Variants in L3MBTL4 observed in about 807,000 individuals in gnomAD.
L3MBTL4 encodes lethal(3)malignant brain tumor-like protein 4.
Under a neutral mutation model 84.5 loss-of-function variants are expected in L3MBTL4, and 70 were observed. The ratio of observed to expected loss-of-function variants is 0.83; its 90% confidence interval spans 0.68 to 1.01. L3MBTL4 has a LOEUF of 1.01. Among genes scored for constraint, L3MBTL4 ranks in the 50% least tolerant of loss-of-function variants. The probability of loss-of-function intolerance (pLI) is 0.00; values close to 1 mark genes in which losing one functional copy is unlikely to be tolerated. For synonymous variants in L3MBTL4, 274 were observed against 259.8 expected (o/e 1.05, Z -0.52); for missense variants, 715 against 754.8 (o/e 0.95, Z 0.62).
chr18:6,044,340 C>T (rs573694476), intron 16 of L3MBTL4, among the ~76,000 whole-genome samples: 60 of 152,348 alleles, frequency 3.9e-4, no homozygotes, highest in South Asian at 8.3e-4. Flanking sequence ...AAATACACAT[C>T]TTTCATTTGA....
chr18:6,381,880 T>C (rs2054607891), intron 1 of L3MBTL4, among the ~76,000 whole-genome samples: 2 of 152,330 alleles, frequency 1.3e-5, no homozygotes, highest in African/African-American at 2.4e-5. Flanking sequence ...TGTTGGCCTG[T>C]CTTGCTGGAT....
At chr18:6,089,907 T>C (rs554037189) in intron 15 of L3MBTL4, among the ~76,000 whole-genome samples, 12 of 152,344 alleles carry the variant, frequency 7.9e-5, no homozygotes, top group African/African-American at 2.9e-4. Flanking sequence ...ACCAGCTTAC[T>C]ATTTCCTCAC....
At chr18:6,069,866 A>C (rs1377998341) in intron 16 of L3MBTL4, among the ~76,000 whole-genome samples, 2 of 152,244 alleles carry the variant, frequency 1.3e-5, no homozygotes, top group Non-Finnish European at 2.9e-5. Context: ...ACTAAGGTCT[A>C]TTAAAATCAT....
chr18:6,014,026 C>T lies in L3MBTL4; in HGVS notation c.1445-44464G>A, dbSNP rs11081224. 6.2e-4 allele frequency among the ~76,000 whole-genome samples: 94 copies of T among 152,266 alleles called. No homozygotes were observed. In the East Asian group the frequency reaches 0.018, roughly 29 times the overall value. ...GGCTGGCAATGAGAAGACTTCTCTTCTAGTTCAAGGTCAAGAGCCCAGTAT... is the reference window on the plus strand; with the variant it reads ...GGCTGGCAATGAGAAGACTTCTCTTTTAGTTCAAGGTCAAGAGCCCAGTAT... On this transcript the variant is annotated intron_variant, in intron 16 of 18. Coordinates refer to ENST00000317931, the MANE Select transcript of L3MBTL4 (RefSeq NM_001330559.2).
At chr18:6,212,301 G>C (rs1022925867) in intron 12 of L3MBTL4, among the ~76,000 whole-genome samples, 1 of 152,082 alleles carries the variant, frequency 6.6e-6, no homozygotes, top group Non-Finnish European at 1.5e-5. Flanking sequence ...AATTGAATCA[G>C]ATATTATTTT....
chr18:6,006,570 T>A (rs1013548973), intron 16 of L3MBTL4, among the ~76,000 whole-genome samples: 2 of 152,160 alleles, frequency 1.3e-5, no homozygotes, highest in Admixed American at 6.6e-5. Flanking sequence ...TACATAAGCA[T>A]GAAGGAATTG....
chr18:6,216,865 G>C (rs1447664960), intron 10 of L3MBTL4, among the ~76,000 whole-genome samples: 9 of 152,090 alleles, frequency 5.9e-5, no homozygotes, highest in African/African-American at 2.2e-4. Flanking sequence ...AATAGTTTCA[G>C]AATGTCATGT....
chr18:6,231,802 A>G (rs2047010691), intron 10 of L3MBTL4, among the ~76,000 whole-genome samples: 1 of 151,730 alleles, frequency 6.6e-6, no homozygotes, highest in Non-Finnish European at 1.5e-5. Flanking sequence ...AGATTTTTTT[A>G]TGTTAGGGTT....
intron 1 of L3MBTL4, chr18:6,396,644 G>A (rs2144595012): frequency 6.6e-6 from 1 of 152,318 alleles, no homozygotes; most frequent in African/African-American, 2.4e-5. Flanking sequence ...AGAAAAGAAT[G>A]TACCTCTCAG....
At chr18:6,027,738 G>A (rs765951574) in intron 16 of L3MBTL4, among the ~76,000 whole-genome samples, 7 of 152,138 alleles carry the variant, frequency 4.6e-5, no homozygotes, top group Non-Finnish European at 8.8e-5. Context: ...TCTAACTGGC[G>A]TGAGATGGTA....
At chr18:6,275,396 A>C (rs1307615627) in intron 4 of L3MBTL4, among the ~76,000 whole-genome samples, 1 of 152,234 alleles carries the variant, frequency 6.6e-6, no homozygotes, top group Non-Finnish European at 1.5e-5. Context: ...CTAGAAAGAC[A>C]TCAGTGGCCT....
chr18:6,277,178 C>T (rs973829304), intron 4 of L3MBTL4, among the ~76,000 whole-genome samples: 6 of 150,308 alleles, frequency 4.0e-5, no homozygotes, highest in African/African-American at 1.5e-4. Context: ...GGGAGATATA[C>T]CTAATGCTAG....
chr18:6,244,442 G>C, intron 6 of L3MBTL4, 42 bp downstream of exon 6: 1 of 1,218,934 alleles, frequency 8.2e-7, no homozygotes, highest in Non-Finnish European at 1.2e-6. Flanking sequence ...TTATCTTTCT[G>C]TCACTAGGCA....
At chr18:6,170,646 T>C (rs1215649729) in intron 13 of L3MBTL4, among the ~76,000 whole-genome samples, 1 of 152,052 alleles carries the variant, frequency 6.6e-6, no homozygotes, top group Non-Finnish European at 1.5e-5. Flanking sequence ...GAGCTGTCCC[T>C]GTATCTGCAA....
chr18:6,045,149 T>G (rs1794285270), intron 16 of L3MBTL4, among the ~76,000 whole-genome samples: 1 of 152,226 alleles, frequency 6.6e-6, no homozygotes, highest in African/African-American at 2.4e-5. Context: ...CACCAGATCA[T>G]ATACAGAGGG....
intron 10 of L3MBTL4, among the ~76,000 whole-genome samples, chr18:6,224,450 C>A (rs1397402053): frequency 6.6e-6 from 1 of 152,180 alleles, no homozygotes; most frequent in African/African-American, 2.4e-5. Flanking sequence ...ATCTACCTTG[C>A]CCAACACAAC....
At chr18:6,293,310 C>T (rs950594824) in intron 4 of L3MBTL4, among the ~76,000 whole-genome samples, 2 of 152,026 alleles carry the variant, frequency 1.3e-5, no homozygotes, top group Admixed American at 6.6e-5. Flanking sequence ...ACTGATTCAA[C>T]GTCTGGGGCA....
intron 12 of L3MBTL4, among the ~76,000 whole-genome samples, chr18:6,175,793 C>T (rs748031873): frequency 1.1e-4 from 16 of 152,118 alleles, no homozygotes; most frequent in Non-Finnish European, 1.5e-5. Context: ...TTCATTCTTA[C>T]TGTTTCTAGT....
At chr18:6,187,967 G>A (rs1044660469) in intron 12 of L3MBTL4, among the ~76,000 whole-genome samples, 1 of 151,142 alleles carries the variant, frequency 6.6e-6, no homozygotes, top group African/African-American at 2.4e-5. Context: ...AATTATCTAG[G>A]GCTAGTTTTC....
Sources: allele counts gnomAD v4.1 joint callset (sites outside exome capture counted in the v4.1 genomes callset), GRCh38; gene constraint gnomAD v4.1.1; transcripts MANE v1.5; gene names NCBI Gene and HGNC (gene_info 2026-07-23, HGNC 2026-07-21).